The following LONRF3 variants were observed in gnomAD, a reference collection of about 807,000 sequenced individuals.
LONRF3 encodes the protein LON peptidase N-terminal domain and RING finger protein 3.
A neutral mutation model predicts 51.7 loss-of-function variants in LONRF3; 19 were observed. The ratio of observed to expected loss-of-function variants is 0.37; its 90% confidence interval spans 0.26 to 0.54. The LOEUF (loss-of-function observed/expected upper bound fraction) is 0.54. Among genes scored for constraint, LONRF3 ranks in the 20% least tolerant of loss-of-function variants. The pLI is 0.86. For missense variants in LONRF3, 521 were observed against 623.9 expected (o/e 0.84, Z 1.76); for synonymous variants, 265 against 257.8 (o/e 1.03, Z -0.27).
chrX:118,988,121 G>A (rs975651123), intron 3 of LONRF3, among the ~76,000 whole-genome samples: 4 of 111,430 alleles, frequency 3.6e-5, no homozygotes, highest in African/African-American at 6.5e-5. Flanking sequence ...CTTCTCCTGT[G>A]TGTAAGCCCT....
Position 118,975,025 on chromosome X carries a change from G to T in LONRF3, c.245G>T (p.Arg82Leu). Residue 82 changes from arginine (R) to leucine (L), a missense_variant, in exon 1 of 11, where the codon CGA becomes CTA. Around this residue, in one of 2 missense-constraint regions of LONRF3, gnomAD observed 376 missense variants for 376.7 expected, o/e 1.00. Transcript: ENST00000371628. ...GCAGACGCCTTGGCGTCCCGGGGGC[G>T]AATCCGTGAAGCCCTCGAGGTGTAT... ...TQADALASRG[R>L]IREALEVYRQ... The T allele has an allele frequency of 3.4e-6, 4 of 1,173,046 alleles. No individual in the cohort carries two copies. Among genetic ancestry groups the T allele is most frequent in the Non-Finnish European group, 4.6e-6 (4 of 876,174 alleles).
At chrX:118,999,179 A>G (rs1221937083) in intron 5 of LONRF3, among the ~76,000 whole-genome samples, 2 of 111,744 alleles carry the variant, frequency 1.8e-5, no homozygotes, top group African/African-American at 6.5e-5. Context: ...AGATTTTCTC[A>G]TAAGCTTTGG....
At chrX:118,979,837 C>G (rs755901934) in intron 2 of LONRF3, among the ~76,000 whole-genome samples, 1 of 111,570 alleles carries the variant, frequency 9.0e-6, no homozygotes, top group African/African-American at 3.3e-5. Context: ...AGAAGAAAAA[C>G]GGCCTGGACA....
In LONRF3 at chrX:118,974,920, C is replaced by A; in HGVS notation, c.140C>A (p.Ala47Glu). ...PHPKVAAEGP[A>E]PLPTREPEQE... ...CCAAAGGTGGCTGCAGAGGGCCCCG[C>A]ACCTCTACCGACGCGGGAGCCAGAG... Residue 47 changes from alanine (A) to glutamate (E), a missense_variant, in exon 1 of 11, where the codon GCA becomes GAA. Ala to Glu is a moderately radical substitution (Grantham distance 107). This residue lies in a region of LONRF3 where 376 missense variants were observed against 376.7 expected (regional missense o/e 1.00). Transcript: ENST00000371628. The A allele has an allele frequency of 2.5e-6, 3 of 1,187,115 alleles. No homozygotes were observed. Among genetic ancestry groups the A allele is most frequent in the Non-Finnish European group, 3.4e-6 (3 of 883,389 alleles).
At chrX:119,006,714 G>A (rs890883294) in intron 6 of LONRF3, among the ~76,000 whole-genome samples, 2 of 110,824 alleles carry the variant, frequency 1.8e-5, no homozygotes, top group South Asian at 3.8e-4. Context: ...CAGCCTCCCC[G>A]AGTAGCTGGG....
At chrX:118,984,673 T>G (rs777348458) in intron 3 of LONRF3, among the ~76,000 whole-genome samples, 3 of 112,459 alleles carry the variant, frequency 2.7e-5, no homozygotes, top group Non-Finnish European at 5.6e-5. Context: ...AACTTAACAA[T>G]CTTGCATTTG....
At chrX:119,013,298 G>T in intron 9 of LONRF3, 97 bp downstream of exon 9, 1 of 900,018 alleles carries the variant, frequency 1.1e-6, no homozygotes, top group Non-Finnish European at 1.5e-6. Context: ...ACCCTTGAGG[G>T]CCTTGGGATT....
intron 5 of LONRF3, among the ~76,000 whole-genome samples, chrX:118,991,198 C>T (rs1923401542): frequency 8.9e-6 from 1 of 111,841 alleles, no homozygotes; most frequent in Non-Finnish European, 1.9e-5. Context: ...TTTTCTTAAA[C>T]GTGAATGTCT....
intron 3 of LONRF3, 146 bp from the exon 4 acceptor site, chrX:118,989,262 C>T (rs767229302): frequency 3.5e-5 from 22 of 626,216 alleles, no homozygotes; most frequent in Non-Finnish European, 5.2e-5. Context: ...TGCCTTATGA[C>T]GGCCCCCAAG....
At chrX:119,001,164 T>TA (rs1038358562) in intron 5 of LONRF3, among the ~76,000 whole-genome samples, 1 of 111,782 alleles carries the variant, frequency 8.9e-6, no homozygotes, top group Non-Finnish European at 1.9e-5. Flanking sequence ...CCTAAAGTGG[T>TA]AAAAAAATTC....
chrX:119,001,760 T>A (rs1487961886), intron 5 of LONRF3, among the ~76,000 whole-genome samples: 2 of 112,743 alleles, frequency 1.8e-5, no homozygotes, highest in African/African-American at 6.4e-5. Context: ...GCTGTGTCCT[T>A]TTGTGTGTGT....
chrX:119,017,550 C>T lies in LONRF3; in HGVS notation c.2140C>T (p.Pro714Ser). 1 of 1,209,531 alleles carries T rather than the reference C, an allele frequency of 8.3e-7. No homozygotes were observed. Among genetic ancestry groups the T allele is most frequent in the Non-Finnish European group, 1.1e-6 (1 of 894,670 alleles). Residue 714 changes from proline to serine, a missense_variant, in exon 11 of 11, where the codon CCA becomes TCA. By Grantham distance (74) the Pro-to-Ser change is moderately conservative. Coordinates refer to ENST00000371628, the MANE Select transcript of LONRF3 (RefSeq NM_001031855.3). Reference protein sequence around the residue: ...DADPQMNPNGPAWCWWMLAVL... With the variant: ...DADPQMNPNGSAWCWWMLAVL... ...TCTGTTGCAGATGAACCCGAATGGC[C>T]CAGCCTGGTGCTGGTGGATGTTAGC...
chrX:119,017,748 C>T lies in LONRF3; in HGVS notation c.*58C>T, dbSNP rs1268917188. The T allele has an allele frequency of 2.9e-6, 3 of 1,036,139 alleles. No individual in the cohort carries two copies. Among genetic ancestry groups the T allele is most frequent in the Middle Eastern group, 5.2e-4 (2 of 3,828 alleles). The allele number at this position is 1,036,139 out of a possible 1,213,427, so 85.4% of individuals were successfully genotyped here. On this transcript the variant is annotated 3_prime_UTR_variant, in exon 11 of 11. Coordinates refer to ENST00000371628, the MANE Select transcript of LONRF3 (RefSeq NM_001031855.3). ...CCCCACTGCCGTCGGGGGGAGTCTT[C>T]TTGTAAATATATCTAATTGCAATAA...
intron 3 of LONRF3, among the ~76,000 whole-genome samples, chrX:118,984,208 A>C (rs757764282): frequency 1.6e-4 from 18 of 112,160 alleles, no homozygotes; most frequent in African/African-American, 5.8e-4. Context: ...TCCCAAGGTC[A>C]TGCAGCTGGT....
At chrX:118,978,194 T>G in intron 1 of LONRF3, 151 bp from the exon 2 acceptor site, 1 of 456,806 alleles carries the variant, frequency 2.2e-6, no homozygotes, top group Non-Finnish European at 3.9e-6. Context: ...CAGGACAATA[T>G]TAGGACTAGA....
chrX:118,981,808 G>A (rs1204947005), intron 2 of LONRF3, among the ~76,000 whole-genome samples: 2 of 112,105 alleles, frequency 1.8e-5, no homozygotes, highest in Non-Finnish European at 3.8e-5. Flanking sequence ...GGGCTCTGGG[G>A]CCTGCAAAGA....
Position 119,017,741 on chromosome X carries a change from G to A in LONRF3, c.*51G>A. On this transcript the variant is annotated 3_prime_UTR_variant, in exon 11 of 11. Coordinates refer to ENST00000371628, the MANE Select transcript of LONRF3 (RefSeq NM_001031855.3). ...CCACCTTCCCCACTGCCGTCGGGGG[G>A]AGTCTTCTTGTAAATATATCTAATT... is the stretch of plus-strand genomic sequence containing the variant. 9.4e-7 allele frequency: 1 copy of A among 1,068,096 alleles called. No individual in the cohort carries two copies. The highest frequency in any genetic ancestry group is 1.3e-6 in the Non-Finnish European group (1 of 798,205). 88.0% of individuals were successfully genotyped at this position (1,068,096 alleles called of 1,213,427 possible).
At chrX:119,000,367 A>G (rs1382261197) in intron 5 of LONRF3, among the ~76,000 whole-genome samples, 4 of 112,247 alleles carry the variant, frequency 3.6e-5, no homozygotes, top group African/African-American at 1.3e-4. Flanking sequence ...CCACAGGGAA[A>G]AGGGTGAAAA....
intron 3 of LONRF3, among the ~76,000 whole-genome samples, chrX:118,984,947 T>A (rs1161925434): frequency 8.9e-6 from 1 of 112,254 alleles, no homozygotes; most frequent in African/African-American, 3.2e-5. Context: ...CTTTTTAATG[T>A]TTGTTTTTAC....
Sources: allele counts gnomAD v4.1 joint callset (sites outside exome capture counted in the v4.1 genomes callset), GRCh38; gene constraint gnomAD v4.1.1; regional missense constraint gnomAD v4.1.1; transcripts MANE v1.5; gene names NCBI Gene and HGNC (gene_info 2026-07-23, HGNC 2026-07-21).